TPTE2: variants seen among roughly 807,000 people sequenced by gnomAD.
TPTE2 encodes phosphatidylinositol 3,4,5-trisphosphate 3-phosphatase TPTE2.
TPTE2 carries 53 observed loss-of-function variants against 78.6 expected under a neutral mutation model. The ratio of observed to expected loss-of-function variants is 0.67; its 90% CI spans 0.54 to 0.85. The LOEUF is 0.85. Ranked by LOEUF, TPTE2 falls within the 40% of genes least tolerant of loss-of-function variation. The pLI is 0.00. For missense variants in TPTE2, 461 were observed against 623.0 expected, an observed-to-expected ratio of 0.74 and a Z score of 2.77; for synonymous variants, 175 against 206.2, an observed-to-expected ratio of 0.85 and a Z score of 1.30.
intron 3 of TPTE2, among the ~76,000 whole-genome samples, chr13:19,484,992 TA>T (rs1191514232): frequency 6.6e-6 from 1 of 152,172 alleles, no homozygotes; most frequent in East Asian, 1.9e-4. Flanking sequence ...TTATTATTGG[TA>T]GGTGAGGAGT....
intron 1 of TPTE2, among the ~76,000 whole-genome samples, chr13:19,498,677 C>T (rs937113887): frequency 1.3e-5 from 2 of 151,966 alleles, no homozygotes; most frequent in Non-Finnish European, 2.9e-5. Context: ...ACAACCGGTA[C>T]CAGCCACTGC....
chr13:19,514,817 A>G (rs1869697080), intron 1 of TPTE2, among the ~76,000 whole-genome samples: 1 of 152,108 alleles, frequency 6.6e-6, no homozygotes, highest in Non-Finnish European at 1.5e-5. Flanking sequence ...TGTGTTTACA[A>G]TGATTTTGTT....
At chr13:19,503,926 G>A (rs1868805516), upstream of TPTE2, among the ~76,000 whole-genome samples, 1 of 151,746 alleles carries the variant, frequency 6.6e-6, no homozygotes. Context: ...ATTTTTAGTA[G>A]AGATGGGGTT....
intron 3 of TPTE2, among the ~76,000 whole-genome samples, chr13:19,484,034 T>G (rs1304060550): frequency 6.6e-6 from 1 of 151,606 alleles, no homozygotes; most frequent in Non-Finnish European, 1.5e-5. Context: ...ATGTTTGGTG[T>G]TTTGTCCTTG....
At chr13:19,460,703 T>C (rs1259813800) in intron 10 of TPTE2, among the ~76,000 whole-genome samples, 1 of 152,156 alleles carries the variant, frequency 6.6e-6, no homozygotes, top group Non-Finnish European at 1.5e-5. Context: ...GCTAACAAAC[T>C]GCAGAGAGGT....
intron 6 of TPTE2, among the ~76,000 whole-genome samples, chr13:19,473,598 T>TTC (rs1308182075): frequency 7.7e-3 from 2 of 260 alleles, no homozygotes; most frequent in African/African-American, 0.011. Flanking sequence ...TTTAAAATGC[T>TTC]TTTTTTTTTT....
upstream of TPTE2, among the ~76,000 whole-genome samples, chr13:19,508,083 A>T (rs1211324787): frequency 6.6e-6 from 1 of 152,184 alleles, no homozygotes; most frequent in Non-Finnish European, 1.5e-5. Context: ...AAACTTACTG[A>T]CAATGACACG....
At chr13:19,433,311 C>A (rs914223230) in intron 15 of TPTE2, among the ~76,000 whole-genome samples, 1 of 152,152 alleles carries the variant, frequency 6.6e-6, no homozygotes, top group Non-Finnish European at 1.5e-5. Context: ...TGAGACCAGC[C>A]TCGCCAACAG....
chr13:19,522,595 TTTTGTTTTCC>T (rs1180217501), intron 1 of TPTE2, among the ~76,000 whole-genome samples: 2 of 150,802 alleles, frequency 1.3e-5, no homozygotes, highest in African/African-American at 4.9e-5. Context: ...CTTTGTTTTC[TTTTGTTTTCC>T]TTACTTTTTT....
At chr13:19,519,595 C>T (rs192978329) in intron 1 of TPTE2, among the ~76,000 whole-genome samples, 33 of 152,238 alleles carry the variant, frequency 2.2e-4, no homozygotes, top group African/African-American at 5.3e-4. Context: ...CTTAAATGTA[C>T]GGACTTACTT....
At chr13:19,509,736 A>G (rs1406699609) in intron 1 of TPTE2, among the ~76,000 whole-genome samples, 6 of 152,150 alleles carry the variant, frequency 3.9e-5, no homozygotes, top group Non-Finnish European at 1.5e-5. Context: ...ATTAATAACT[A>G]ATTGTGGTAA....
intron 10 of TPTE2, among the ~76,000 whole-genome samples, chr13:19,462,098 C>T (rs1055649797): frequency 1.4e-3 from 144 of 100,310 alleles, no homozygotes; most frequent in Non-Finnish European, 3.0e-3. Context: ...CTTTTCTTCA[C>T]CTATTTTTTT....
intron 1 of TPTE2, among the ~76,000 whole-genome samples, chr13:19,534,069 G>T (rs573708015): frequency 8.7e-4 from 133 of 152,310 alleles, no homozygotes; most frequent in Middle Eastern, 3.4e-3. Context: ...GGAAAATATT[G>T]TAAGTCAAGT....
chr13:19,509,709 C>T (rs1367964904), intron 1 of TPTE2, among the ~76,000 whole-genome samples: 1 of 151,902 alleles, frequency 6.6e-6, no homozygotes, highest in East Asian at 1.9e-4. Flanking sequence ...AAATCTATGT[C>T]AACATATAAA....
At chr13:19,534,043 T>C (rs1411708111) in intron 1 of TPTE2, among the ~76,000 whole-genome samples, 1 of 152,220 alleles carries the variant, frequency 6.6e-6, no homozygotes, top group African/African-American at 2.4e-5. Flanking sequence ...TGACTTACAA[T>C]GGGTTTATTA....
chr13:19,492,314 G>A (rs962373785), intron 3 of TPTE2, among the ~76,000 whole-genome samples: 6 of 152,130 alleles, frequency 3.9e-5, no homozygotes, highest in African/African-American at 1.2e-4. Context: ...CAGAGCTCTC[G>A]AGGGTGTGGG....
At chr13:19,490,987 T>C (rs1880956321) in intron 3 of TPTE2, among the ~76,000 whole-genome samples, 1 of 152,224 alleles carries the variant, frequency 6.6e-6, no homozygotes, top group Admixed American at 6.5e-5. Context: ...GCATTCCTCT[T>C]AAGACCTATT....
At chr13:19,483,096 G>C (rs1376929277) in intron 3 of TPTE2, among the ~76,000 whole-genome samples, 1 of 152,226 alleles carries the variant, frequency 6.6e-6, no homozygotes, top group African/African-American at 2.4e-5. Flanking sequence ...GATCACCTAA[G>C]CCTTTAGCAA....
At chr13:19,550,739 T>C in the TPTE2 span, among the ~76,000 whole-genome samples, 2 of 152,186 alleles carry the variant, frequency 1.3e-5, no homozygotes, top group Admixed American at 1.3e-4. Flanking sequence ...CTCTCCTGAA[T>C]AAAGTCACAT....
Sources: allele counts gnomAD v4.1 joint callset (sites outside exome capture counted in the v4.1 genomes callset), GRCh38; gene constraint gnomAD v4.1.1; transcripts MANE v1.5; gene names NCBI Gene and HGNC (gene_info 2026-07-23, HGNC 2026-07-21).